The following DNM3 variants were observed in gnomAD, a reference collection of about 807,000 sequenced individuals.
The protein encoded by DNM3 is dynamin-3.
DNM3 carries 47 observed loss-of-function variants against 101.6 expected under a neutral mutation model. That is an observed-to-expected ratio of 0.46 (90% CI 0.37 to 0.59). The LOEUF is 0.59. Ranked by LOEUF, DNM3 falls within the 20% of genes least tolerant of loss-of-function variation. DNM3 has a pLI of 0.00. For missense variants in DNM3, 849 were observed against 1,085.7 expected (o/e 0.78, Z 3.06); for synonymous variants, 385 against 387.9 (o/e 0.99, Z 0.09).
intron 1 of DNM3, among the ~76,000 whole-genome samples, chr1:171,853,454 A>G (rs115553680): frequency 0.016 from 2,423 of 152,270 alleles, 72 homozygotes; most frequent in African/African-American, 0.055. Context: ...GGCATGAACC[A>G]CTGTGCCTGG....
downstream of DNM3, among the ~76,000 whole-genome samples, chr1:172,417,096 A>AT (rs1297379934): frequency 2.6e-5 from 4 of 151,174 alleles, no homozygotes; most frequent in Non-Finnish European, 5.9e-5. Context: ...TTTTTTTTTT[A>AT]TAGACTTCAT....
intron 10 of DNM3, among the ~76,000 whole-genome samples, chr1:172,056,778 G>A (rs916774992): frequency 1.3e-5 from 2 of 152,168 alleles, no homozygotes; most frequent in African/African-American, 4.8e-5. Context: ...CTCTAAAAAA[G>A]CAGAGTGCCT....
At chr1:171,862,236 T>C (rs2034249942) in intron 1 of DNM3, among the ~76,000 whole-genome samples, 2 of 152,168 alleles carry the variant, frequency 1.3e-5, no homozygotes. Context: ...CCTAGATTCA[T>C]GCTGAAGACA....
At chr1:172,026,808 C>A (rs2048238562) in intron 4 of DNM3, among the ~76,000 whole-genome samples, 1 of 152,048 alleles carries the variant, frequency 6.6e-6, no homozygotes, top group African/African-American at 2.4e-5. Context: ...CACCTGCTAC[C>A]ACGCCTGGCT....
intron 14 of DNM3, among the ~76,000 whole-genome samples, chr1:172,245,825 T>G (rs187642198): frequency 1.2e-3 from 178 of 152,272 alleles, no homozygotes; most frequent in Non-Finnish European, 2.2e-3. Flanking sequence ...TCTGGAAATT[T>G]AGGCCTGTGT....
At chr1:171,873,994 A>T (rs1252961931) in intron 1 of DNM3, among the ~76,000 whole-genome samples, 1 of 152,202 alleles carries the variant, frequency 6.6e-6, no homozygotes, top group Non-Finnish European at 1.5e-5. Flanking sequence ...GGAATGTGAG[A>T]AGACCTCTTG....
chr1:172,412,859 T>C (rs1488317316), downstream of DNM3: 1 of 682,736 alleles, frequency 1.5e-6, no homozygotes, highest in African/African-American at 2.0e-5. Context: ...TCCATTTCTG[T>C]CATTAATTTG....
chr1:172,282,577 A>G (rs1160790753), intron 15 of DNM3, among the ~76,000 whole-genome samples: 1 of 152,232 alleles, frequency 6.6e-6, no homozygotes, highest in Admixed American at 6.5e-5. Flanking sequence ...TAAAAAAATG[A>G]AATTTCCAGA....
chr1:172,088,803 A>T (rs1351856055), intron 12 of DNM3, among the ~76,000 whole-genome samples: 3 of 152,224 alleles, frequency 2.0e-5, no homozygotes, highest in African/African-American at 7.2e-5. Context: ...TTACAATGGT[A>T]TAGGATTTAT....
At chr1:172,101,355 T>C (rs1229187338) in intron 13 of DNM3, among the ~76,000 whole-genome samples, 3 of 152,222 alleles carry the variant, frequency 2.0e-5, no homozygotes. Flanking sequence ...AAAATAATTC[T>C]ACTGACTATG....
intron 1 of DNM3, among the ~76,000 whole-genome samples, chr1:171,900,713 C>G (rs891588714): frequency 1.6e-4 from 25 of 152,006 alleles, no homozygotes; most frequent in Non-Finnish European, 3.1e-4. Context: ...CTGTATGAAA[C>G]AGGATGGAGA....
At chr1:172,279,633 A>G (rs1345701991) in intron 15 of DNM3, among the ~76,000 whole-genome samples, 1 of 152,114 alleles carries the variant, frequency 6.6e-6, no homozygotes, top group Non-Finnish European at 1.5e-5. Context: ...CCACCCAGAC[A>G]TGCTCCTCCA....
intron 1 of DNM3, chr1:171,864,253 A>G (rs2034480580): frequency 2.0e-5 from 3 of 152,246 alleles, no homozygotes; most frequent in African/African-American, 7.2e-5. Context: ...CATTTAAGAC[A>G]AATTACAAAA....
intron 17 of DNM3, among the ~76,000 whole-genome samples, chr1:172,362,055 A>T (rs1479036714): frequency 1.3e-5 from 2 of 151,960 alleles, no homozygotes; most frequent in African/African-American, 4.8e-5. Flanking sequence ...ACAGAAGCCA[A>T]CCAGAAGAAG....
chr1:172,317,103 T>A (rs1377671133), intron 16 of DNM3, among the ~76,000 whole-genome samples: 1 of 151,420 alleles, frequency 6.6e-6, no homozygotes, highest in Non-Finnish European at 1.5e-5. Context: ...ACCGCTCAAC[T>A]ACATGGAAAC....
chr1:171,964,572 T>C (rs2043441017), intron 2 of DNM3, among the ~76,000 whole-genome samples: 1 of 152,154 alleles, frequency 6.6e-6, no homozygotes, highest in Non-Finnish European at 1.5e-5. Flanking sequence ...TGGGCACATG[T>C]TCTCAGGATC....
At chr1:171,922,931 T>G (rs1020998221) in intron 2 of DNM3, among the ~76,000 whole-genome samples, 1 of 152,254 alleles carries the variant, frequency 6.6e-6, no homozygotes, top group South Asian at 2.1e-4. Flanking sequence ...AGATCACATT[T>G]TGTTTGTCCA....
intron 16 of DNM3, among the ~76,000 whole-genome samples, chr1:172,315,284 A>G (rs1014766034): frequency 5.9e-5 from 9 of 152,210 alleles, no homozygotes; most frequent in Non-Finnish European, 1.2e-4. Flanking sequence ...AACCACAAAG[A>G]TGGGGAAAAA....
Position 172,046,344 on chromosome 1 carries a change from G to A in DNM3, c.1196+1892G>A, listed in dbSNP as rs180960431. 6.1e-3 allele frequency among the ~76,000 whole-genome samples: 929 copies of A among 152,192 alleles called. 10 individuals carry two copies. Among genetic ancestry groups the A allele is most frequent in the African/African-American group, 0.021 (881 of 41,522 alleles). On this transcript the variant is annotated intron_variant, in intron 9 of 20. Transcript: ENST00000627582. ...ACCACATGTTCTCACTCATAGATGG[G>A]AATTGAATAATGAGAACACATGGAC...
Sources: allele counts gnomAD v4.1 joint callset (sites outside exome capture counted in the v4.1 genomes callset), GRCh38; gene constraint gnomAD v4.1.1; transcripts MANE v1.5; gene names NCBI Gene and HGNC (gene_info 2026-07-23, HGNC 2026-07-21).